FAM184B: variants seen among roughly 807,000 people sequenced by gnomAD.
The protein encoded by FAM184B is protein FAM184B.
In FAM184B, 111 loss-of-function variants were observed where a neutral mutation model predicts 135.9. The observed-to-expected ratio is 0.82, with a 90% CI of 0.70 to 0.96. FAM184B has a LOEUF of 0.96. Ranked by LOEUF, FAM184B falls within the 40% of genes least tolerant of loss-of-function variation. FAM184B has a pLI of 0.00. For synonymous variants in FAM184B, 552 were observed against 524.8 expected, an observed-to-expected ratio of 1.05 and a Z score of -0.71; for missense variants, 1,375 against 1,323.9, an observed-to-expected ratio of 1.04 and a Z score of -0.60.
At chr4:17,646,763 C>A (rs917887854) in intron 12 of FAM184B, among the ~76,000 whole-genome samples, 2 of 152,016 alleles carry the variant, frequency 1.3e-5, no homozygotes, top group South Asian at 4.2e-4. Flanking sequence ...TGATGCTGGG[C>A]TTTGGGAGAA....
chr4:17,729,189 A>G (rs6850659), intron 1 of FAM184B, among the ~76,000 whole-genome samples: 147,114 of 152,306 alleles, frequency 0.97, 71,243 homozygotes, highest in East Asian at 1. Context: ...AGGTGGCAGC[A>G]ATGCTGGGGG....
chr4:17,730,391 T>A (rs1037554737), intron 1 of FAM184B, among the ~76,000 whole-genome samples: 3 of 152,080 alleles, frequency 2.0e-5, no homozygotes, highest in Non-Finnish European at 2.9e-5. Flanking sequence ...CAGGCCAACA[T>A]TCAGATTCAG....
chr4:17,737,551 A>G (rs1208598293), intron 1 of FAM184B, among the ~76,000 whole-genome samples: 1 of 152,228 alleles, frequency 6.6e-6, no homozygotes, highest in Non-Finnish European at 1.5e-5. Context: ...AAACATATTC[A>G]TAGAATTTTA....
chr4:17,769,813 G>T (rs1718773809), intron 1 of FAM184B, among the ~76,000 whole-genome samples: 1 of 152,186 alleles, frequency 6.6e-6, no homozygotes, highest in Admixed American at 6.5e-5. Context: ...CCCACCACTT[G>T]CCAGGCACTG....
chr4:17,746,747 T>G (rs1460170649), intron 1 of FAM184B, among the ~76,000 whole-genome samples: 3 of 131,184 alleles, frequency 2.3e-5, no homozygotes, highest in African/African-American at 3.1e-5. Context: ...AAAAAAAAAG[T>G]AGATTCCTGG....
chr4:17,756,806 TC>T (rs1311375217), intron 1 of FAM184B, among the ~76,000 whole-genome samples: 1 of 152,102 alleles, frequency 6.6e-6, no homozygotes, highest in Non-Finnish European at 1.5e-5. Flanking sequence ...ACACTTGTAA[TC>T]TCAGCTATTT....
rs1197933829 is a variant in FAM184B at position 17,705,768 on chromosome 4, C to A, written c.1154G>T (p.Gly385Val). 6.4e-7 allele frequency: 1 copy of A among 1,551,806 alleles called. No homozygotes were observed. The highest frequency in any genetic ancestry group is 1.2e-5 in the South Asian group (1 of 84,064). ...AGACACTACCTGCATATCTGTGCCT[C>A]CTTTCATGCAAGGGCACTCCTTGAG... ...SCLKECPCMKGGTDMQTKKEA... is the reference protein window; with the variant it reads ...SCLKECPCMKVGTDMQTKKEA... The change falls in exon 4 of 18, where the codon GGA becomes GTA. Residue 385 changes from glycine to valine, a missense_variant. Gly to Val is a moderately radical substitution (Grantham distance 109). Coordinates refer to ENST00000265018, the MANE Select transcript of FAM184B (RefSeq NM_015688.2).
intron 7 of FAM184B, among the ~76,000 whole-genome samples, chr4:17,677,245 G>T (rs1000898331): frequency 6.6e-6 from 1 of 151,966 alleles, no homozygotes; most frequent in African/African-American, 2.4e-5. Context: ...ATGGGGTTTT[G>T]CCGTGTTGCC....
At chr4:17,666,974 TG>T (rs1716071583) in intron 7 of FAM184B, among the ~76,000 whole-genome samples, 1 of 152,038 alleles carries the variant, frequency 6.6e-6, no homozygotes. Context: ...TTTTTTGTTT[TG>T]TTTTATAAGA....
chr4:17,776,061 G>C (rs946335748), intron 1 of FAM184B, among the ~76,000 whole-genome samples: 7 of 151,906 alleles, frequency 4.6e-5, no homozygotes, highest in Admixed American at 1.3e-4. Context: ...AATAAATAAG[G>C]GCTCTGTAGG....
rs1379423687 is a variant in FAM184B at position 17,781,498 on chromosome 4, C to A, written c.-199G>T. 6 of 598,416 alleles carry A rather than the reference C, an allele frequency of 1.0e-5. No homozygotes were observed. The highest frequency in any genetic ancestry group is 2.0e-5 in the African/African-American group (1 of 50,834). 37.1% of individuals were successfully genotyped at this position (598,416 alleles called of 1,614,324 possible). On this transcript the variant is annotated 5_prime_UTR_variant, in exon 1 of 18. The change creates a new upstream start codon in the 5' untranslated region. Transcript: ENST00000265018. This position sits in a 1 kb window ranked among gnomAD's most constrained non-coding sequence, Gnocchi z 6.5. ...CCCACCCGCGCGCCCACCCTTTTTC[C>A]TCTCCTGCTGGTTCTCTGGCTGGCT...
chr4:17,696,658 A>G, intron 5 of FAM184B, among the ~76,000 whole-genome samples: 1 of 152,076 alleles, frequency 6.6e-6, no homozygotes, highest in East Asian at 1.9e-4. Context: ...CGAAATTTTT[A>G]AAAAATTAGC....
At chr4:17,684,150 A>C (rs28393748) in intron 7 of FAM184B, among the ~76,000 whole-genome samples, 76,685 of 144,900 alleles carry the variant, frequency 0.53, 22,209 homozygotes, top group East Asian at 0.82. Context: ...TAAAATAATT[A>C]TATAATAAAA....
chr4:17,697,067 C>T (rs529233650), intron 5 of FAM184B, among the ~76,000 whole-genome samples: 2 of 152,224 alleles, frequency 1.3e-5, no homozygotes, highest in South Asian at 4.1e-4. Flanking sequence ...GATTAGATTA[C>T]ATGAAGTGGG....
chr4:17,735,818 G>A (rs937601731), intron 1 of FAM184B, among the ~76,000 whole-genome samples: 1 of 152,252 alleles, frequency 6.6e-6, no homozygotes, highest in Middle Eastern at 3.4e-3. Context: ...AAGGCAGCAG[G>A]TCTCTTTAGG....
intron 1 of FAM184B, among the ~76,000 whole-genome samples, chr4:17,766,987 C>A (rs981283853): frequency 1.3e-5 from 2 of 152,208 alleles, no homozygotes; most frequent in Admixed American, 6.5e-5. Context: ...AGAATTCCAG[C>A]GCAGCGCCAG....
chr4:17,678,118 G>A (rs1716356733), intron 7 of FAM184B, among the ~76,000 whole-genome samples: 1 of 152,164 alleles, frequency 6.6e-6, no homozygotes. Context: ...AACAAAACAA[G>A]GTTGCCCACT....
chr4:17,688,965 T>G (rs1483718073), intron 6 of FAM184B, among the ~76,000 whole-genome samples: 1 of 152,212 alleles, frequency 6.6e-6, no homozygotes, highest in Non-Finnish European at 1.5e-5. Flanking sequence ...AGGGCTGGGA[T>G]TATAGGCGTA....
chr4:17,633,742 G>A lies in FAM184B; in HGVS notation c.3036C>T (p.Ser1012=). 10 of 1,550,818 alleles carry A rather than the reference G, an allele frequency of 6.4e-6. No homozygotes were observed. The highest frequency in any genetic ancestry group is 8.7e-6 in the Non-Finnish European group (10 of 1,146,592). The stretch of plus-strand genomic sequence containing the variant: ...GGTTGGGTTTGTAGGTCCGGCCACA[G>A]CTGGGGCTTGGGTCCAAGCTGGGTG... ...TTSPSLDPSP[S]CGRTYKPNQS... is the part of the protein sequence containing the mutation. The change falls in exon 17 of 18, where the codon AGC becomes AGT. Residue 1012 remains serine, a synonymous_variant. Transcript: ENST00000265018.
Sources: gnomAD v4.1 joint callset for allele counts (sites outside exome capture counted in the v4.1 genomes callset) on GRCh38, gnomAD v4.1.1 for gene constraint, Gnocchi (gnomAD v3.1) non-coding constraint, MANE v1.5 for transcripts, NCBI Gene and HGNC (gene_info 2026-07-23, HGNC 2026-07-21) for gene names.